Variants in CD302 observed in about 807,000 individuals in gnomAD.
The protein encoded by CD302 is CD302 molecule.
CD302 carries 23 observed loss-of-function variants against 26.5 expected under a neutral mutation model. The observed-to-expected ratio is 0.87, with a 90% confidence interval of 0.62 to 1.23. The LOEUF is 1.23. Ranked by LOEUF, CD302 falls within the 50% of genes most tolerant of loss-of-function variation. The pLI is 0.00. For missense variants in CD302, 290 were observed against 275.5 expected, an observed-to-expected ratio of 1.05 and a Z score of -0.37; for synonymous variants, 90 against 99.4, an observed-to-expected ratio of 0.91 and a Z score of 0.56.
chr2:159,773,422 G>T (rs952020882), intron 5 of CD302, among the ~76,000 whole-genome samples: 2 of 152,166 alleles, frequency 1.3e-5, no homozygotes, highest in Non-Finnish European at 2.9e-5. Flanking sequence ...TACAATAATG[G>T]CTTCATAATC....
intron 1 of CD302, among the ~76,000 whole-genome samples, chr2:159,795,622 A>G (rs1038110858): frequency 1.3e-5 from 2 of 152,258 alleles, no homozygotes; most frequent in Admixed American, 6.5e-5. Context: ...ACATATGAAC[A>G]GAGATCTGAA....
chr2:159,790,753 A>G (rs1708785356), intron 1 of CD302, among the ~76,000 whole-genome samples: 1 of 152,216 alleles, frequency 6.6e-6, no homozygotes, highest in East Asian at 1.9e-4. Flanking sequence ...AATCATTGGC[A>G]ATTATTGAAC....
At position 159,772,125 on chromosome 2, in the gene CD302, C is replaced by G. The variant is rs907518934; in HGVS notation, c.497-72G>C. On this transcript the variant is annotated intron_variant, in intron 5 of 5. Transcript: ENST00000259053. ...AGTTGCAAGTATATTTTGATGAGCACAACTGTAGTTTTGTGTAAACATTTC... is the reference window on the plus strand; with the variant it reads ...AGTTGCAAGTATATTTTGATGAGCAGAACTGTAGTTTTGTGTAAACATTTC... The G allele has an allele frequency of 4.0e-6, 6 of 1,499,206 alleles. No homozygotes were observed. In the Admixed American group the frequency reaches 5.7e-5, roughly 14 times the overall value. The allele number at this position is 1,499,206 out of a possible 1,614,324, so 92.9% of individuals were successfully genotyped here. A position where few individuals can be genotyped will look rare whatever the true frequency, so the allele number is the denominator to read the frequency against.
chr2:159,770,306 G>GC lies in CD302; in HGVS notation c.*1544dup, dbSNP rs1175846324. 1 of 152,142 alleles carries GC rather than the reference G, an allele frequency of 6.6e-6. No homozygotes were observed. The highest frequency in any genetic ancestry group is 1.9e-4 in the East Asian group (1 of 5,194). 9.4% of individuals were successfully genotyped at this position (152,142 alleles called of 1,614,324 possible). ...TAAAGCTCTTACAGAGCATGCTTGT[G>GC]CTTGTGTAACAGCTGGTGTAATGCC... is the stretch of plus-strand genomic sequence containing the variant. On this transcript the variant is annotated 3_prime_UTR_variant, in exon 6 of 6. Coordinates refer to ENST00000259053, the MANE Select transcript of CD302 (RefSeq NM_014880.5).
chr2:159,786,688 C>T (rs1014419140), intron 1 of CD302, among the ~76,000 whole-genome samples: 3 of 152,180 alleles, frequency 2.0e-5, no homozygotes, highest in African/African-American at 7.2e-5. Context: ...AATTCTAATA[C>T]CTTTCCTGAT....
chr2:159,782,825 T>C (rs996618686), intron 2 of CD302, among the ~76,000 whole-genome samples: 3 of 152,340 alleles, frequency 2.0e-5, no homozygotes, highest in East Asian at 1.9e-4. Context: ...AGCCTTTTTA[T>C]AATTTTTCCT....
chr2:159,781,727 A>G (rs1708517819), intron 2 of CD302, among the ~76,000 whole-genome samples: 1 of 152,214 alleles, frequency 6.6e-6, no homozygotes, highest in Non-Finnish European at 1.5e-5. Flanking sequence ...CTGCCTTGAA[A>G]TAAAACCATA....
In CD302 at chr2:159,783,534, G is replaced by A. The variant is rs1269972649; in HGVS notation, c.68-65C>T. On this transcript the variant is annotated intron_variant, in intron 1 of 5. Coordinates refer to ENST00000259053, the MANE Select transcript of CD302 (RefSeq NM_014880.5). Reference sequence around the variant, plus strand: ...AAAAAGAATTACATGAATTCCCAAAGATAAGGATATTAGATACTAAATTTT... The same window carrying A: ...AAAAAGAATTACATGAATTCCCAAAAATAAGGATATTAGATACTAAATTTT... The A allele has an allele frequency of 6.1e-6, 8 of 1,305,404 alleles. No homozygotes were observed. The East Asian group carries it at 1.7e-4, about 28-fold the overall frequency. 80.9% of individuals were successfully genotyped at this position (1,305,404 alleles called of 1,614,324 possible). A position where few individuals can be genotyped will look rare whatever the true frequency, so the allele number is the denominator to read the frequency against.
chr2:159,772,220 ATTTC>A (rs1360100683), intron 5 of CD302, among the ~76,000 whole-genome samples, 167 bp from the exon 6 acceptor site: 1 of 152,210 alleles, frequency 6.6e-6, no homozygotes, highest in Non-Finnish European at 1.5e-5. Context: ...CAAGATTTAT[ATTTC>A]TTAGCCTGAA....
intron 1 of CD302, among the ~76,000 whole-genome samples, chr2:159,783,680 T>C (rs186556852): frequency 1.2e-4 from 19 of 152,310 alleles, no homozygotes; most frequent in African/African-American, 4.6e-4. Context: ...TGCCAATGAT[T>C]CTCTTCTGAC....
In CD302 at chr2:159,771,118, G is replaced by GAGAT. The variant is rs1708133288; in HGVS notation, c.*729_*732dup. ...AAATTTATAAATGCTTGAGGAGAAT[G>GAGAT]AGATACATCTTGTATAGGGGAAAGT... is the stretch of plus-strand genomic sequence containing the variant. On this transcript the variant is annotated 3_prime_UTR_variant, in exon 6 of 6. Coordinates refer to ENST00000259053, the MANE Select transcript of CD302 (RefSeq NM_014880.5). 6.6e-6 allele frequency: 1 copy of GAGAT among 152,152 alleles called. No homozygotes were observed. Among genetic ancestry groups the GAGAT allele is most frequent in the South Asian group, 2.1e-4 (1 of 4,830 alleles). 9.4% of individuals were successfully genotyped at this position (152,152 alleles called of 1,614,324 possible).
chr2:159,786,530 C>T (rs1443065218), intron 1 of CD302, among the ~76,000 whole-genome samples: 2 of 152,026 alleles, frequency 1.3e-5, no homozygotes, highest in Non-Finnish European at 2.9e-5. Context: ...GACAGGGTTT[C>T]ACCATGTTGG....
chr2:159,774,303 C>T (rs1708245313), intron 5 of CD302, among the ~76,000 whole-genome samples: 1 of 152,108 alleles, frequency 6.6e-6, no homozygotes, highest in South Asian at 2.1e-4. Flanking sequence ...AATAAATAGC[C>T]ACTGTCCAGT....
At chr2:159,776,031 A>T (rs1298790947) in intron 5 of CD302, among the ~76,000 whole-genome samples, 39 of 4,846 alleles carry the variant, frequency 8.0e-3, no homozygotes, top group African/African-American at 0.022. Flanking sequence ...TTTTTTTTTT[A>T]AAGTAGAGTC....
In CD302 at chr2:159,769,643, C is replaced by CATATATATATAT. The variant is rs34620033; in HGVS notation, c.*2196_*2207dup. On this transcript the variant is annotated 3_prime_UTR_variant, in exon 6 of 6. Coordinates refer to ENST00000259053, the MANE Select transcript of CD302 (RefSeq NM_014880.5). ...CCTGGGCAGCACAGTGAGACTCCAT[C>CATATATATATAT]ATATATATATATATAGCACTTCATT... The CATATATATATAT allele has an allele frequency of 2.3e-4, 34 of 150,894 alleles. No individual in the cohort carries two copies. Among genetic ancestry groups the CATATATATATAT allele is most frequent in the African/African-American group, 8.0e-4 (33 of 41,176 alleles). The allele number at this position is 150,894 out of a possible 1,614,324, so 9.3% of individuals were successfully genotyped here. A position where few individuals can be genotyped will look rare whatever the true frequency, so the allele number is the denominator to read the frequency against.
chr2:159,796,460 T>C (rs935751310), intron 1 of CD302, among the ~76,000 whole-genome samples: 8 of 152,190 alleles, frequency 5.3e-5, no homozygotes, highest in African/African-American at 1.9e-4. Flanking sequence ...ACCACGCCTG[T>C]AATAGGGACT....
chr2:159,788,149 C>G (rs1020117759), intron 1 of CD302, among the ~76,000 whole-genome samples: 1 of 151,950 alleles, frequency 6.6e-6, no homozygotes, highest in African/African-American at 2.4e-5. Context: ...ATACTGTCTT[C>G]ATGTTTGATG....
intron 1 of CD302, among the ~76,000 whole-genome samples, chr2:159,788,969 G>C (rs1708737145): frequency 6.6e-6 from 1 of 151,312 alleles, no homozygotes. Context: ...CATTCTTCCT[G>C]GTTTATTAAT....
chr2:159,774,472 A>C (rs999290580), intron 5 of CD302, among the ~76,000 whole-genome samples: 2 of 152,190 alleles, frequency 1.3e-5, no homozygotes, highest in African/African-American at 4.8e-5. Context: ...CTCAAAAACT[A>C]TATGAAACAT....
Sources: gnomAD v4.1 joint callset for allele counts (sites outside exome capture counted in the v4.1 genomes callset) on GRCh38, gnomAD v4.1.1 for gene constraint, MANE v1.5 for transcripts, NCBI Gene and HGNC (gene_info 2026-07-23, HGNC 2026-07-21) for gene names.